The following PCDHGA10 variants were observed in gnomAD, a reference collection of about 807,000 sequenced individuals.
PCDHGA10 encodes the protein protocadherin gamma-A10.
Under a neutral mutation model 59.5 loss-of-function variants are expected in PCDHGA10, and 42 were observed. The ratio of observed to expected loss-of-function variants is 0.71; its 90% CI spans 0.55 to 0.91. The LOEUF (loss-of-function observed/expected upper bound fraction) is 0.91, where lower values mean the gene tolerates loss of function less well. PCDHGA10 is among the 40% of genes least tolerant of loss of function. The pLI, the probability that PCDHGA10 is intolerant of heterozygous loss-of-function variation, is 0.00. For missense variants in PCDHGA10, 1,111 were observed against 1,198.2 expected (o/e 0.93, Z 1.07); for synonymous variants, 511 against 517.2 (o/e 0.99, Z 0.16).
chr5:141,490,065 C>A lies in PCDHGA10; in HGVS notation c.2437-4742C>A, dbSNP rs1161257597. ...CTGATCCAGACGAGGGCACCAACGG[C>A]CAACTAGACTATTCTTTTGGAGACC... On this transcript the variant is annotated intron_variant, in intron 1 of 3. Coordinates refer to ENST00000398610, the MANE Select transcript of PCDHGA10 (RefSeq NM_018913.3). This position sits in a 1 kb window ranked among gnomAD's most constrained non-coding sequence, Gnocchi z 5.4. 1 of 1,614,258 alleles carries A rather than the reference C, an allele frequency of 6.2e-7. No individual in the cohort carries two copies. Among genetic ancestry groups the A allele is most frequent in the South Asian group, 1.1e-5 (1 of 91,090 alleles).
chr5:141,466,037 G>T (rs1204301031), intron 1 of PCDHGA10, among the ~76,000 whole-genome samples: 1 of 152,056 alleles, frequency 6.6e-6, no homozygotes, highest in African/African-American at 2.4e-5. Flanking sequence ...CAGGAGAACG[G>T]CATGAACCCA....
chr5:141,488,748 T>C (rs2099679003), intron 1 of PCDHGA10, among the ~76,000 whole-genome samples: 1 of 152,270 alleles, frequency 6.6e-6, no homozygotes, highest in African/African-American at 2.4e-5. Flanking sequence ...ATGCAGGAAG[T>C]TGCTGGGACA....
intron 1 of PCDHGA10, chr5:141,419,144 A>G: frequency 6.2e-7 from 1 of 1,613,940 alleles, no homozygotes; most frequent in South Asian, 1.1e-5. Context: ...AGACAGGGGC[A>G]AGCCTCCGTT....
chr5:141,419,632 G>A (rs1210031265), intron 1 of PCDHGA10: 1 of 1,612,432 alleles, frequency 6.2e-7, no homozygotes, highest in Admixed American at 1.7e-5. Flanking sequence ...TGACCAAGGT[G>A]GTGGCCGTGG....
chr5:141,502,373 C>A (rs2099813965), intron 2 of PCDHGA10, among the ~76,000 whole-genome samples: 1 of 151,806 alleles, frequency 6.6e-6, no homozygotes, highest in African/African-American at 2.4e-5. Context: ...TTAAAGAGTC[C>A]AGGCCAGTTG....
intron 1 of PCDHGA10, chr5:141,419,559 T>C: frequency 6.2e-7 from 1 of 1,611,930 alleles, no homozygotes. Context: ...TACCCTGCGC[T>C]GGGTCCCGAC....
rs535194185 is a variant in PCDHGA10, at chr5:141,485,480, A to C, written c.2437-9327A>C. 6.2e-7 allele frequency: 1 copy of C among 1,614,154 alleles called. No individual in the cohort carries two copies. The highest frequency in any genetic ancestry group is 1.7e-5 in the Admixed American group (1 of 60,020). On this transcript the variant is annotated intron_variant, in intron 1 of 3. Coordinates refer to ENST00000398610, the MANE Select transcript of PCDHGA10 (RefSeq NM_018913.3). This position sits in a 1 kb window ranked among gnomAD's most constrained non-coding sequence, Gnocchi z 5.7. The stretch of plus-strand genomic sequence containing the variant: ...ACTGTGTGGGCTCAGTGCCAGCTGC[A>C]TCGTGCCCCTGGAGTTTGTCACCGA...
intron 2 of PCDHGA10, among the ~76,000 whole-genome samples, chr5:141,502,401 G>A (rs191747075): frequency 2.0e-5 from 3 of 151,874 alleles, no homozygotes; most frequent in Admixed American, 1.3e-4. Flanking sequence ...AAATGTCCCC[G>A]AACCTGGATT....
chr5:141,422,703 G>A (rs1473348513), intron 1 of PCDHGA10: 1 of 1,603,132 alleles, frequency 6.2e-7, no homozygotes, highest in Admixed American at 1.7e-5. Context: ...CTTACTCTCT[G>A]ACGGATGACA....
chr5:141,464,680 A>T (rs747974832), intron 1 of PCDHGA10, among the ~76,000 whole-genome samples: 1 of 152,144 alleles, frequency 6.6e-6, no homozygotes, highest in African/African-American at 2.4e-5. Context: ...TTTTAATTAA[A>T]ATTTCTCTTA....
Position 141,491,543 on chromosome 5 carries a change from A to G in PCDHGA10, c.2437-3264A>G. 6.2e-7 allele frequency: 1 copy of G among 1,613,842 alleles called. No individual in the cohort carries two copies. The highest frequency in any genetic ancestry group is 8.5e-7 in the Non-Finnish European group (1 of 1,179,982). ...ATGGAGGTGACGCTGCGGCCCACAG[A>G]CTCGCAGAGCCACTGCTACAGGACG... On this transcript the variant is annotated intron_variant, in intron 1 of 3. Coordinates refer to ENST00000398610, the MANE Select transcript of PCDHGA10 (RefSeq NM_018913.3). The surrounding 1 kb of genome is among the most constrained non-coding windows in gnomAD (Gnocchi z 6.9).
At chr5:141,482,673 G>A (rs1278135239) in intron 1 of PCDHGA10, among the ~76,000 whole-genome samples, 1 of 152,156 alleles carries the variant, frequency 6.6e-6, no homozygotes, top group Non-Finnish European at 1.5e-5. Context: ...TAAAGGTTGA[G>A]TAGTAGCTTG....
rs1369956811 is a variant in PCDHGA10, at chr5:141,460,759, A to G, written c.2437-34048A>G. Among the ~76,000 whole-genome samples, 3 of 152,088 alleles carry G rather than the reference A, an allele frequency of 2.0e-5. No individual in the cohort carries two copies. In the East Asian group the frequency reaches 5.8e-4, roughly 29 times the overall value. On this transcript the variant is annotated intron_variant, in intron 1 of 3. Coordinates refer to ENST00000398610, the MANE Select transcript of PCDHGA10 (RefSeq NM_018913.3). ...ATTGTATATATATGTGTACATATAC[A>G]TATTGCATATGTATGTATACATATA...
chr5:141,432,569 C>T lies in PCDHGA10; in HGVS notation c.2436+16958C>T. The T allele has an allele frequency of 6.2e-7, 1 of 1,613,920 alleles. No homozygotes were observed. On this transcript the variant is annotated intron_variant, in intron 1 of 3. Coordinates refer to ENST00000398610, the MANE Select transcript of PCDHGA10 (RefSeq NM_018913.3). This position sits in a 1 kb window ranked among gnomAD's most constrained non-coding sequence, Gnocchi z 6.0. ...CAGAGACTCCGGCCAGAACGCCTGG[C>T]TGTCCTACCGTCTGCTCAAGGCCAG...
intron 1 of PCDHGA10, chr5:141,422,633 G>C: frequency 6.2e-7 from 1 of 1,613,120 alleles, no homozygotes; most frequent in Non-Finnish European, 8.5e-7. Context: ...AACCCCAGGG[G>C]TGCCTCCATC....
chr5:141,474,518 G>T (rs1054372142), intron 1 of PCDHGA10, among the ~76,000 whole-genome samples: 1 of 152,168 alleles, frequency 6.6e-6, no homozygotes, highest in African/African-American at 2.4e-5. Context: ...CCTCTTGCTG[G>T]TCTGGCTAAT....
chr5:141,426,718 C>G, intron 1 of PCDHGA10: 1 of 446,166 alleles, frequency 2.2e-6, no homozygotes, highest in Non-Finnish European at 4.6e-6. Flanking sequence ...AATGAACTAG[C>G]AATTCCAGGC....
At chr5:141,473,401 T>G (rs1285517100) in intron 1 of PCDHGA10, among the ~76,000 whole-genome samples, 3 of 152,222 alleles carry the variant, frequency 2.0e-5, no homozygotes. Context: ...GCTTCTTTTT[T>G]TCTTCTTCAG....
In PCDHGA10 at chr5:141,476,235, A is replaced by G; in HGVS notation, c.2437-18572A>G. ...GTCATTCACTATGAGATCCCGGAGG[A>G]AAGAGAGAAGGGTTTCGCTGTGGGC... is the stretch of plus-strand genomic sequence containing the variant. On this transcript the variant is annotated intron_variant, in intron 1 of 3. Coordinates refer to ENST00000398610, the MANE Select transcript of PCDHGA10 (RefSeq NM_018913.3). The surrounding 1 kb of genome is among the most constrained non-coding windows in gnomAD (Gnocchi z 7.6). 2 of 1,613,844 alleles carry G rather than the reference A, an allele frequency of 1.2e-6. No homozygotes were observed. Among genetic ancestry groups the G allele is most frequent in the Admixed American group, 1.7e-5 (1 of 59,990 alleles).
Sources: gnomAD v4.1 joint callset for allele counts (sites outside exome capture counted in the v4.1 genomes callset) on GRCh38, gnomAD v4.1.1 for gene constraint, Gnocchi (gnomAD v3.1) non-coding constraint, MANE v1.5 for transcripts, NCBI Gene and HGNC (gene_info 2026-07-23, HGNC 2026-07-21) for gene names.